COBLL1: variants seen among roughly 807,000 people sequenced by gnomAD.
The protein encoded by COBLL1 is cordon-bleu WH2 repeat protein like 1.
COBLL1 carries 50 observed loss-of-function variants against 94.8 expected under a neutral mutation model. The observed-to-expected ratio is 0.53, with a 90% CI of 0.42 to 0.67. COBLL1 has a LOEUF of 0.67. COBLL1 is among the 30% of genes least tolerant of loss of function. COBLL1 has a pLI of 0.00. For synonymous variants in COBLL1, 448 were observed against 473.8 expected, an observed-to-expected ratio of 0.95 and a Z score of 0.71; for missense variants, 1,362 against 1,348.7, an observed-to-expected ratio of 1.01 and a Z score of -0.15.
At chr2:164,788,970 G>A (rs1683022859) in intron 2 of COBLL1, among the ~76,000 whole-genome samples, 1 of 150,994 alleles carries the variant, frequency 6.6e-6, no homozygotes, top group Non-Finnish European at 1.5e-5. Flanking sequence ...TCAGAGGTAT[G>A]GTCATTCCAG....
In COBLL1 at chr2:164,782,964, T is replaced by G. The variant is rs190356949; in HGVS notation, c.42-39089A>C. Among the ~76,000 whole-genome samples, 558 of 152,332 alleles carry G rather than the reference T, an allele frequency of 3.7e-3. 7 individuals carry two copies. The highest frequency in any genetic ancestry group is 0.012 in the African/African-American group (511 of 41,566). On this transcript the variant is annotated intron_variant, in intron 2 of 13. Coordinates refer to ENST00000652658, the MANE Select transcript of COBLL1 (RefSeq NM_001365672.2). ...GTTATAACTTCAATAGTTCAGTAGT[T>G]TGCTTTGCTTTCCCATTTTTTTTCA...
chr2:164,842,036 C>T, upstream of COBLL1: 1 of 1,535,540 alleles, frequency 6.5e-7, no homozygotes. Context: ...GGGACCAGCT[C>T]GGCGGCATTG....
At chr2:164,746,471 A>G (rs185153809) in intron 2 of COBLL1, among the ~76,000 whole-genome samples, 150 of 152,252 alleles carry the variant, frequency 9.9e-4, no homozygotes, top group African/African-American at 3.3e-3. Context: ...ACCAGAAAAG[A>G]TCTGGAGTGC....
chr2:164,671,635 AG>A (rs1181622467), intron 1 of COBLL1, among the ~76,000 whole-genome samples: 5 of 152,302 alleles, frequency 3.3e-5, no homozygotes, highest in African/African-American at 1.2e-4. Context: ...GATTAAACAG[AG>A]GAGAATGTGG....
At chr2:164,687,421 G>T in intron 13 of COBLL1, 1 of 995,362 alleles carries the variant, frequency 1.0e-6, no homozygotes, top group Non-Finnish European at 1.6e-6. Flanking sequence ...CCATTTCTTT[G>T]AGAAGTGGAT....
rs557225454 is a variant in COBLL1 at position 164,743,619 on chromosome 2, A to G, written c.230+68T>C. On this transcript the variant is annotated intron_variant, in intron 3 of 13. Transcript: ENST00000652658. ...TGTCAAAGAACAAACATCAAGACGT[A>G]TATCACAGAGACTTTCAATGGTGGA... The G allele has an allele frequency of 2.0e-5, 24 of 1,226,506 alleles. No homozygotes were observed. In the Admixed American group the frequency reaches 3.7e-4, roughly 19 times the overall value. The allele number at this position is 1,226,506 out of a possible 1,614,324, so 76.0% of individuals were successfully genotyped here.
intron 3 of COBLL1, among the ~76,000 whole-genome samples, chr2:164,738,714 A>G (rs1686444640): frequency 6.6e-6 from 1 of 152,208 alleles, no homozygotes; most frequent in Admixed American, 6.5e-5. Flanking sequence ...AGTGTTTTAC[A>G]TTTCACATTT....
intron 2 of COBLL1, among the ~76,000 whole-genome samples, chr2:164,809,498 A>G (rs947554886): frequency 1.3e-5 from 2 of 152,034 alleles, no homozygotes; most frequent in African/African-American, 2.4e-5. Flanking sequence ...CCTAAGCTAA[A>G]TGACAAATAG....
intron 5 of COBLL1, chr2:164,725,101 G>GATATATATATATATATATAT (rs760164549): frequency 4.5e-4 from 34 of 76,272 alleles, no homozygotes; most frequent in Admixed American, 4.2e-3. Flanking sequence ...TACCCTGCAG[G>GATATATATATATATATATAT]ATATATATAT....
chr2:164,670,111 G>A (rs1018566335), intron 1 of COBLL1, among the ~76,000 whole-genome samples: 16 of 152,166 alleles, frequency 1.1e-4, no homozygotes, highest in African/African-American at 3.9e-4. Flanking sequence ...AGTACTGAGT[G>A]TTTTATATGC....
chr2:164,727,184 G>A (rs1250766627), intron 5 of COBLL1: 1 of 1,204,282 alleles, frequency 8.3e-7, no homozygotes, highest in Middle Eastern at 1.9e-4. Flanking sequence ...AATTGACTGT[G>A]AAGATGATGT....
At chr2:164,798,349 C>T (rs1176887065) in intron 2 of COBLL1, among the ~76,000 whole-genome samples, 1 of 152,202 alleles carries the variant, frequency 6.6e-6, no homozygotes, top group Non-Finnish European at 1.5e-5. Context: ...CTAGAGTTTG[C>T]CAAGGCTGCC....
intron 9 of COBLL1, chr2:164,703,505 T>C: frequency 2.5e-6 from 1 of 396,632 alleles, no homozygotes; most frequent in Non-Finnish European, 4.8e-6. Flanking sequence ...AATGGTGCCA[T>C]TTATATTATT....
chr2:164,695,702 T>C lies in COBLL1; in HGVS notation c.1690A>G (p.Asn564Asp), dbSNP rs781668809. 6.2e-6 allele frequency: 10 copies of C among 1,613,788 alleles called. No homozygotes were observed. The highest frequency in any genetic ancestry group is 1.7e-5 in the Admixed American group (1 of 59,986). The change falls in exon 12 of 14, where the codon AAC (asparagine) becomes GAC (aspartate). Residue 564 changes from asparagine to aspartate, a missense_variant. Asn to Asp is a conservative substitution (Grantham distance 23, BLOSUM62 1). Transcript: ENST00000652658. ...NIDMEVERPSNSEAHETDTAI... is the reference protein window; with the variant it reads ...NIDMEVERPSDSEAHETDTAI... Reference sequence around the variant, plus strand: ...GTATCAGTTTCATGTGCCTCAGAGTTTGATGGTCTCTCAACTTCCATATCA... The same window carrying C: ...GTATCAGTTTCATGTGCCTCAGAGTCTGATGGTCTCTCAACTTCCATATCA...
intron 5 of COBLL1, 107 bp from the exon 6 acceptor site, chr2:164,722,629 T>A (rs1685513059): frequency 1.6e-5 from 9 of 566,288 alleles, no homozygotes; most frequent in Non-Finnish European, 2.5e-5. Flanking sequence ...TGCTAAAAGC[T>A]ACTAATTATA....
chr2:164,672,514 A>G (rs1317242564), intron 1 of COBLL1, among the ~76,000 whole-genome samples: 2 of 151,520 alleles, frequency 1.3e-5, no homozygotes, highest in Non-Finnish European at 2.9e-5. Flanking sequence ...CTGGCTAACA[A>G]GGTGAAACCC....
At chr2:164,701,127 G>C (rs972395247) in intron 9 of COBLL1, among the ~76,000 whole-genome samples, 3 of 152,174 alleles carry the variant, frequency 2.0e-5, no homozygotes, top group African/African-American at 7.2e-5. Flanking sequence ...AATTTTAAAA[G>C]TGAAAATGAA....
At chr2:164,786,691 C>T (rs1559015294) in intron 2 of COBLL1, among the ~76,000 whole-genome samples, 1 of 152,122 alleles carries the variant, frequency 6.6e-6, no homozygotes, top group Admixed American at 6.5e-5. Context: ...AGACAGAGAT[C>T]CAGAATCACT....
At chr2:164,823,620 G>A (rs904624663) in intron 2 of COBLL1, among the ~76,000 whole-genome samples, 3 of 152,118 alleles carry the variant, frequency 2.0e-5, no homozygotes, top group African/African-American at 4.8e-5. Context: ...AATTATACAC[G>A]CAGACACCTA....
Sources: allele counts gnomAD v4.1 joint callset (sites outside exome capture counted in the v4.1 genomes callset), GRCh38; gene constraint gnomAD v4.1.1; transcripts MANE v1.5; gene names NCBI Gene and HGNC (gene_info 2026-07-23, HGNC 2026-07-21).